Variants in ABLIM2 observed in about 807,000 individuals in gnomAD.
ABLIM2 encodes actin binding LIM protein family member 2.
In ABLIM2, 53 loss-of-function variants were observed where a neutral mutation model predicts 97.7. The ratio of observed to expected loss-of-function variants is 0.54; its 90% CI spans 0.44 to 0.68. The LOEUF is 0.68. ABLIM2 is among the 30% of genes least tolerant of loss of function. ABLIM2 has a pLI of 0.00. For synonymous variants in ABLIM2, 361 were observed against 345.8 expected (o/e 1.04, Z -0.49); for missense variants, 835 against 867.2 (o/e 0.96, Z 0.47).
In ABLIM2 at chr4:8,082,560, G is replaced by A. The variant is rs943339545; in HGVS notation, c.455-1758C>T. On this transcript the variant is annotated intron_variant, in intron 4 of 20. Transcript: ENST00000447017. The surrounding 1 kb of genome is among the most constrained non-coding windows in gnomAD (Gnocchi z 5.6). Reference sequence around the variant, plus strand: ...ATTGTTTTTAACAATTAAAACAAACGAACACTCACAAAGCCGTTGGTCAAG... The same window carrying A: ...ATTGTTTTTAACAATTAAAACAAACAAACACTCACAAAGCCGTTGGTCAAG... Among the ~76,000 whole-genome samples the A allele has an allele frequency of 6.6e-6, 1 of 152,152 alleles. No homozygotes were observed. The highest frequency in any genetic ancestry group is 1.9e-4 in the East Asian group (1 of 5,200).
At chr4:8,138,792 A>G (rs924513180) in intron 1 of ABLIM2, among the ~76,000 whole-genome samples, 3 of 152,266 alleles carry the variant, frequency 2.0e-5, no homozygotes, top group Non-Finnish European at 4.4e-5. Flanking sequence ...CATTCAGGAC[A>G]CAGGTATGGG....
At chr4:7,987,752 G>A (rs988724644) in intron 17 of ABLIM2, among the ~76,000 whole-genome samples, 16 of 152,162 alleles carry the variant, frequency 1.1e-4, no homozygotes, top group African/African-American at 3.9e-4. Context: ...GGAGAAGGGG[G>A]AATACTTTTT....
chr4:8,000,083 CT>C (rs1051240904), intron 16 of ABLIM2, among the ~76,000 whole-genome samples: 14 of 152,082 alleles, frequency 9.2e-5, no homozygotes, highest in Admixed American at 7.9e-4. Context: ...GGGCAGGAGG[CT>C]TGGAGGCTGT....
At position 7,998,252 on chromosome 4, in the gene ABLIM2, GC is replaced by G. The variant is rs1317165126; in HGVS notation, c.1619-5326del. Among the ~76,000 whole-genome samples the G allele has an allele frequency of 6.6e-6, 1 of 152,054 alleles. No individual in the cohort carries two copies. The highest frequency in any genetic ancestry group is 1.5e-5 in the Non-Finnish European group (1 of 68,012). On this transcript the variant is annotated intron_variant, in intron 16 of 20. Transcript: ENST00000447017. The surrounding 1 kb of genome is among the most constrained non-coding windows in gnomAD (Gnocchi z 6.4). Reference sequence around the variant, plus strand: ...TCTTGGTGTGACGGGTAATTTTTCTGCAGTATCCTGGGCATTTTGGATATTA... The same window carrying G: ...TCTTGGTGTGACGGGTAATTTTTCTGAGTATCCTGGGCATTTTGGATATTA...
intron 20 of ABLIM2, among the ~76,000 whole-genome samples, chr4:7,975,418 A>T (rs1471879738): frequency 2.6e-5 from 4 of 152,142 alleles, no homozygotes; most frequent in African/African-American, 9.7e-5. Flanking sequence ...GGATGATCAC[A>T]GCTTCTCCAC....
At chr4:8,079,940 C>T (rs532631065) in intron 5 of ABLIM2, among the ~76,000 whole-genome samples, 3 of 152,322 alleles carry the variant, frequency 2.0e-5, no homozygotes, top group South Asian at 4.1e-4. Context: ...CTCAGAGGAG[C>T]TGCCCGCCTT....
chr4:8,029,229 CACT>C (rs1779286767), intron 11 of ABLIM2, among the ~76,000 whole-genome samples: 1 of 152,194 alleles, frequency 6.6e-6, no homozygotes. Flanking sequence ...ATTTTTCCAC[CACT>C]GACTTTGCTT....
rs1269714644 is a variant in ABLIM2 at position 8,106,560 on chromosome 4, C to A, written c.88G>T (p.Val30Leu). ...ACCCGCAGCACCTCGCCCTTGCACACATTCCCACACGTGTTGCACAGGATC... is the reference window on the plus strand; with the variant it reads ...ACCCGCAGCACCTCGCCCTTGCACAAATTCCCACACGTGTTGCACAGGATC... Reference protein sequence around the residue: ...TAILCNTCGNVCKGEVLRVQD... With the variant: ...TAILCNTCGNLCKGEVLRVQD... The change falls in exon 2 of 21, where the codon GTG becomes TTG. Residue 30 changes from valine to leucine, a missense_variant. Val to Leu is a conservative substitution (Grantham distance 32). Coordinates refer to ENST00000447017, the MANE Select transcript of ABLIM2 (RefSeq NM_001130083.2). The A allele has an allele frequency of 6.2e-7, 1 of 1,609,656 alleles. No individual in the cohort carries two copies. Among genetic ancestry groups the A allele is most frequent in the East Asian group, 2.2e-5 (1 of 44,744 alleles).
rs996863027 is a variant in ABLIM2 at position 8,158,805 on chromosome 4, T to A, written c.-116A>T. 19 of 949,030 alleles carry A rather than the reference T, an allele frequency of 2.0e-5. No individual in the cohort carries two copies. Among genetic ancestry groups the A allele is most frequent in the Non-Finnish European group, 2.5e-5 (19 of 747,262 alleles). 58.8% of individuals were successfully genotyped at this position (949,030 alleles called of 1,614,324 possible). A position where few individuals can be genotyped will look rare whatever the true frequency, so the allele number is the denominator to read the frequency against. On this transcript the variant is annotated 5_prime_UTR_variant, in exon 1 of 21. Transcript: ENST00000447017. ...GCCCGCCGGCTCCGCGCCCGCTCCT[T>A]GCGCACACGCCAGGCAGCGCCGCCG...
rs540552209 is a variant in ABLIM2 at position 8,054,100 on chromosome 4, T to C, written c.822+88A>G. 959 of 1,477,806 alleles carry C rather than the reference T, an allele frequency of 6.5e-4. 4 individuals are homozygous for C. The African/African-American group carries it at 0.012, about 18-fold the overall frequency. 91.5% of individuals were successfully genotyped at this position (1,477,806 alleles called of 1,614,324 possible). On this transcript the variant is annotated intron_variant, in intron 8 of 20. Coordinates refer to ENST00000447017, the MANE Select transcript of ABLIM2 (RefSeq NM_001130083.2). This position sits in a 1 kb window ranked among gnomAD's most constrained non-coding sequence, Gnocchi z 4.9. The stretch of plus-strand genomic sequence containing the variant: ...CCCGTGGGACTGGACAATGAGCCTG[T>C]AGAATCTGGTCAGTGTCCTCTTAAC...
intron 8 of ABLIM2, among the ~76,000 whole-genome samples, chr4:8,048,295 A>T (rs1016844312): frequency 1.3e-5 from 2 of 152,186 alleles, no homozygotes; most frequent in African/African-American, 4.8e-5. Context: ...CAATATCCAT[A>T]TGTTCTCCCA....
rs1766061865 is a variant in ABLIM2 at position 8,012,949 on chromosome 4, C to T, written c.1424-3847G>A. Among the ~76,000 whole-genome samples, 4 of 152,224 alleles carry T rather than the reference C, an allele frequency of 2.6e-5. No individual in the cohort carries two copies. The South Asian group carries it at 8.3e-4, about 32-fold the overall frequency. On this transcript the variant is annotated intron_variant, in intron 14 of 20. Transcript: ENST00000447017. Reference sequence around the variant, plus strand: ...AGCCCCTCAACCTTTATCCCCATCTCCCTGTGCTGAGTGCCTACTGTGCAC... The same window carrying T: ...AGCCCCTCAACCTTTATCCCCATCTTCCTGTGCTGAGTGCCTACTGTGCAC...
At position 8,120,159 on chromosome 4, in the gene ABLIM2, C is replaced by T. The variant is rs1844686006; in HGVS notation, c.11-13522G>A. Among the ~76,000 whole-genome samples the T allele has an allele frequency of 6.6e-6, 1 of 152,130 alleles. No homozygotes were observed. Among genetic ancestry groups the T allele is most frequent in the African/African-American group, 2.4e-5 (1 of 41,434 alleles). On this transcript the variant is annotated intron_variant, in intron 1 of 20. Transcript: ENST00000447017. This position sits in a 1 kb window ranked among gnomAD's most constrained non-coding sequence, Gnocchi z 5.6. Reference sequence around the variant, plus strand: ...AGGAAGAGAAAAACAGCCCAGCGGCCACGCTGCCCCTTCCTCCCAGAAGAG... The same window carrying T: ...AGGAAGAGAAAAACAGCCCAGCGGCTACGCTGCCCCTTCCTCCCAGAAGAG...
intron 12 of ABLIM2, among the ~76,000 whole-genome samples, chr4:8,027,549 C>T (rs1271729593): frequency 6.6e-6 from 1 of 152,200 alleles, no homozygotes; most frequent in Non-Finnish European, 1.5e-5. Flanking sequence ...CCCTTCTGTT[C>T]CTTTATGTAA....
Position 8,055,538 on chromosome 4 carries a change from C to A in ABLIM2, c.764-1292G>T, listed in dbSNP as rs556460569. 2.6e-3 allele frequency among the ~76,000 whole-genome samples: 393 copies of A among 152,382 alleles called. 2 individuals are homozygous for A. Among genetic ancestry groups the A allele is most frequent in the Non-Finnish European group, 2.5e-3 (169 of 68,040 alleles). ...TGCATGGCTGTGTCTCCATCTCTCACCCTTTGCTCCCACGAAGGTGAGGGC... is the reference window on the plus strand; with the variant it reads ...TGCATGGCTGTGTCTCCATCTCTCAACCTTTGCTCCCACGAAGGTGAGGGC... On this transcript the variant is annotated intron_variant, in intron 7 of 20. Coordinates refer to ENST00000447017, the MANE Select transcript of ABLIM2 (RefSeq NM_001130083.2).
rs1712173643 is a variant in ABLIM2, at chr4:8,150,222, G to C, written c.10+8458C>G. On this transcript the variant is annotated intron_variant, in intron 1 of 20. Transcript: ENST00000447017. This position sits in a 1 kb window ranked among gnomAD's most constrained non-coding sequence, Gnocchi z 6.3. ...TCAACTGATGTCATTTTCCATGTGC[G>C]ATCCCGGGGACACTGAGGTCTGCAG... Among the ~76,000 whole-genome samples, 1 of 152,172 alleles carries C rather than the reference G, an allele frequency of 6.6e-6. No individual in the cohort carries two copies. Among genetic ancestry groups the C allele is most frequent in the Admixed American group, 6.5e-5 (1 of 15,284 alleles).
Position 8,072,555 on chromosome 4 carries a change from C to T in ABLIM2, c.675+5073G>A, listed in dbSNP as rs986202815. 4.6e-5 allele frequency among the ~76,000 whole-genome samples: 7 copies of T among 152,244 alleles called. No individual in the cohort carries two copies. Among genetic ancestry groups the T allele is most frequent in the African/African-American group, 1.7e-4 (7 of 41,476 alleles). ...ACCCCACTTTAGGCCACCAGATGTT[C>T]CAACGTGGCTATGCTATTAAGCCAA... is the stretch of plus-strand genomic sequence containing the variant. On this transcript the variant is annotated intron_variant, in intron 6 of 20. Coordinates refer to ENST00000447017, the MANE Select transcript of ABLIM2 (RefSeq NM_001130083.2). This position sits in a 1 kb window ranked among gnomAD's most constrained non-coding sequence, Gnocchi z 5.8.
Position 8,015,461 on chromosome 4 carries a change from C to T in ABLIM2, c.1423+4157G>A, listed in dbSNP as rs1191994561. Reference sequence around the variant, plus strand: ...TGCCGTTCCTCCCCATCCCGCCGGTCCCCAAACCAAAATGAGACTCCACCC... The same window carrying T: ...TGCCGTTCCTCCCCATCCCGCCGGTTCCCAAACCAAAATGAGACTCCACCC... On this transcript the variant is annotated intron_variant, in intron 14 of 20. Coordinates refer to ENST00000447017, the MANE Select transcript of ABLIM2 (RefSeq NM_001130083.2). This position sits in a 1 kb window ranked among gnomAD's most constrained non-coding sequence, Gnocchi z 4.6. Among the ~76,000 whole-genome samples the T allele has an allele frequency of 6.6e-6, 1 of 152,118 alleles. No homozygotes were observed. Among genetic ancestry groups the T allele is most frequent in the Non-Finnish European group, 1.5e-5 (1 of 68,024 alleles).
At chr4:8,134,516 T>A (rs1223046526) in intron 1 of ABLIM2, among the ~76,000 whole-genome samples, 1 of 152,220 alleles carries the variant, frequency 6.6e-6, no homozygotes, top group Admixed American at 6.5e-5. Flanking sequence ...TCCATCTCCC[T>A]GCCTGCAAAA....
Sources: gnomAD v4.1 joint callset for allele counts (sites outside exome capture counted in the v4.1 genomes callset) on GRCh38, gnomAD v4.1.1 for gene constraint, Gnocchi (gnomAD v3.1) non-coding constraint, MANE v1.5 for transcripts, NCBI Gene and HGNC (gene_info 2026-07-23, HGNC 2026-07-21) for gene names.